Variants in EDAR observed in about 807,000 individuals in gnomAD.
The protein encoded by EDAR is ectodysplasin A receptor, also known as tumor necrosis factor receptor superfamily member EDAR.
EDAR carries 38 observed loss-of-function variants against 51.3 expected under a neutral mutation model. The observed-to-expected ratio is 0.74, with a 90% CI of 0.57 to 0.97. The LOEUF (loss-of-function observed/expected upper bound fraction) is 0.97, where lower values mean the gene tolerates loss of function less well. Among genes scored for constraint, EDAR ranks in the 50% least tolerant of loss-of-function variants. EDAR has a pLI of 0.00. For missense variants in EDAR, 528 were observed against 595.0 expected, an observed-to-expected ratio of 0.89 and a Z score of 1.17; for synonymous variants, 227 against 242.1, an observed-to-expected ratio of 0.94 and a Z score of 0.58.
At chr2:108,902,624 G>T (rs1174461572) in intron 11 of EDAR, among the ~76,000 whole-genome samples, 1 of 152,024 alleles carries the variant, frequency 6.6e-6, no homozygotes, top group Non-Finnish European at 1.5e-5. Context: ...GAATATAAAT[G>T]CAAAATCCTT....
chr2:108,926,126 G>C (rs1009462753), intron 4 of EDAR, among the ~76,000 whole-genome samples: 1 of 152,126 alleles, frequency 6.6e-6, no homozygotes, highest in Non-Finnish European at 1.5e-5. Context: ...TCTCATCCTG[G>C]GCTGCACAGC....
At chr2:108,941,051 TATAAATTTAAACCG>T (rs1419120520) in intron 1 of EDAR, among the ~76,000 whole-genome samples, 3 of 152,178 alleles carry the variant, frequency 2.0e-5, no homozygotes, top group Non-Finnish European at 4.4e-5. Context: ...CGGTCATCAC[TATAAATTTAAACCG>T]ATTTTGCCTG....
chr2:108,932,152 C>G (rs554172131), intron 1 of EDAR, among the ~76,000 whole-genome samples: 8 of 152,202 alleles, frequency 5.3e-5, no homozygotes, highest in Non-Finnish European at 1.0e-4. Context: ...CTCCCTTCCT[C>G]CTTTTCTTTC....
At chr2:108,979,430 C>CTCTT (rs70956287) in intron 1 of EDAR, among the ~76,000 whole-genome samples, 105,636 of 148,248 alleles carry the variant, frequency 0.71, 40,414 homozygotes, top group Non-Finnish European at 0.87. Flanking sequence ...CTGTCTCTCT[C>CTCTT]TCTCTTTCTC....
At chr2:108,976,347 C>T (rs1698322104) in intron 1 of EDAR, among the ~76,000 whole-genome samples, 1 of 152,280 alleles carries the variant, frequency 6.6e-6, no homozygotes, top group African/African-American at 2.4e-5. Flanking sequence ...GAGAGGAAGA[C>T]CACAGAGGCA....
At chr2:108,946,608 C>T (rs1234348112) in intron 1 of EDAR, among the ~76,000 whole-genome samples, 1 of 152,124 alleles carries the variant, frequency 6.6e-6, no homozygotes, top group African/African-American at 2.4e-5. Flanking sequence ...GCTGGCAGGC[C>T]TCAGGAAACT....
intron 4 of EDAR, 107 bp from the exon 5 acceptor site, chr2:108,923,560 C>A: frequency 1.0e-6 from 1 of 1,002,940 alleles, no homozygotes; most frequent in South Asian, 1.3e-5. Flanking sequence ...ACAATCAAGT[C>A]GGGCATGAGG....
intron 5 of EDAR, among the ~76,000 whole-genome samples, chr2:108,920,599 G>T (rs1040426996): frequency 6.6e-6 from 1 of 152,148 alleles, no homozygotes; most frequent in Non-Finnish European, 1.5e-5. Flanking sequence ...GGGCGAGTAT[G>T]TTCCAATCCA....
intron 1 of EDAR, among the ~76,000 whole-genome samples, chr2:108,945,587 A>G (rs1330841667): frequency 6.6e-6 from 1 of 152,216 alleles, no homozygotes; most frequent in Non-Finnish European, 1.5e-5. Flanking sequence ...GAACACCAGG[A>G]AAAAGGACTG....
chr2:108,900,508 C>T (rs972318012), intron 11 of EDAR, among the ~76,000 whole-genome samples: 8 of 149,064 alleles, frequency 5.4e-5, no homozygotes, highest in African/African-American at 1.5e-4. Context: ...GAGCCAAGAT[C>T]ATGCCATTGC....
intron 1 of EDAR, among the ~76,000 whole-genome samples, chr2:108,980,258 G>A (rs1360042072): frequency 6.6e-6 from 1 of 152,038 alleles, no homozygotes; most frequent in Non-Finnish European, 1.5e-5. Context: ...GGACAGTTCT[G>A]CAGTGAGAGA....
chr2:108,922,212 G>A (rs1697155225), intron 5 of EDAR, among the ~76,000 whole-genome samples: 1 of 152,222 alleles, frequency 6.6e-6, no homozygotes, highest in Non-Finnish European at 1.5e-5. Context: ...TTTGTGAATA[G>A]GTGGGGAGTG....
Position 108,910,521 on chromosome 2 carries a change from T to G in EDAR, c.742A>C (p.Met248Leu), listed in dbSNP as rs763590285. Residue 248 changes from methionine (M) to leucine (L), a missense_variant, in exon 9 of 12, where the codon ATG becomes CTG. Transcript: ENST00000258443. ...EKKEAPDNVVMFSEKDEFEKL... is the reference protein window; with the variant it reads ...EKKEAPDNVVLFSEKDEFEKL... ...TCAAATTCATCCTTCTCGGAGAACA[T>G]CACCACGTTGTCTGCAGGGAAATGG... The G allele has an allele frequency of 6.2e-7, 1 of 1,613,496 alleles. No homozygotes were observed. Among genetic ancestry groups the G allele is most frequent in the South Asian group, 1.1e-5 (1 of 90,988 alleles).
intron 1 of EDAR, among the ~76,000 whole-genome samples, chr2:108,946,091 G>C (rs1051478364): frequency 1.3e-5 from 2 of 152,178 alleles, no homozygotes; most frequent in African/African-American, 4.8e-5. Flanking sequence ...CCAAGTTTCT[G>C]GTGACTCCAA....
chr2:108,926,746 G>T (rs1419235365), intron 4 of EDAR, among the ~76,000 whole-genome samples: 1 of 152,252 alleles, frequency 6.6e-6, no homozygotes, highest in Non-Finnish European at 1.5e-5. Context: ...TGTGGGGAGG[G>T]CGGAGCATCA....
chr2:108,954,498 C>A (rs1289415941), intron 1 of EDAR, among the ~76,000 whole-genome samples: 1 of 152,152 alleles, frequency 6.6e-6, no homozygotes, highest in African/African-American at 2.4e-5. Context: ...AGGCTCCCCA[C>A]CCACTCTCCT....
At chr2:108,948,975 T>C (rs1453713013) in intron 1 of EDAR, among the ~76,000 whole-genome samples, 1 of 152,156 alleles carries the variant, frequency 6.6e-6, no homozygotes, top group East Asian at 1.9e-4. Context: ...AAAAATTAGT[T>C]AAAAACACAT....
intron 11 of EDAR, 138 bp downstream of exon 11, chr2:108,906,170 C>T (rs1696799848): frequency 8.6e-6 from 7 of 816,758 alleles, no homozygotes; most frequent in South Asian, 4.3e-5. Context: ...TAGTTTCCAG[C>T]GGCCATTCTG....
intron 1 of EDAR, among the ~76,000 whole-genome samples, chr2:108,945,198 G>C (rs560234968): frequency 1.3e-5 from 2 of 152,132 alleles, no homozygotes; most frequent in Admixed American, 1.3e-4. Context: ...GCTTGGGTGG[G>C]GGCGAGCTCC....
Sources: gnomAD v4.1 joint callset for allele counts (sites outside exome capture counted in the v4.1 genomes callset) on GRCh38, gnomAD v4.1.1 for gene constraint, MANE v1.5 for transcripts, NCBI Gene and HGNC (gene_info 2026-07-23, HGNC 2026-07-21) for gene names.